Variants in TCERG1L observed in about 807,000 individuals in gnomAD.
The protein encoded by TCERG1L is transcription elongation regulator 1-like protein.
A neutral mutation model predicts 56.3 loss-of-function variants in TCERG1L; 37 were observed. The observed-to-expected ratio is 0.66, with a 90% CI of 0.51 to 0.87. The LOEUF (loss-of-function observed/expected upper bound fraction) is 0.87. Among genes scored for constraint, TCERG1L ranks in the 40% least tolerant of loss-of-function variants. The pLI is 0.00. For synonymous variants in TCERG1L, 324 were observed against 326.3 expected, an observed-to-expected ratio of 0.99 and a Z score of 0.08; for missense variants, 799 against 774.2, an observed-to-expected ratio of 1.03 and a Z score of -0.38.
chr10:131,139,636 A>G (rs1327469544), intron 7 of TCERG1L, among the ~76,000 whole-genome samples: 1 of 152,024 alleles, frequency 6.6e-6, no homozygotes, highest in Non-Finnish European at 1.5e-5. Flanking sequence ...TATGTTTTAA[A>G]TGTATTGTTT....
At chr10:131,195,540 C>G (rs1436900719) in intron 4 of TCERG1L, among the ~76,000 whole-genome samples, 6 of 152,228 alleles carry the variant, frequency 3.9e-5, no homozygotes, top group Non-Finnish European at 8.8e-5. Context: ...ATCCCCCTCC[C>G]CTGTACCCCG....
At chr10:131,104,004 G>C (rs778359595) in intron 10 of TCERG1L, among the ~76,000 whole-genome samples, 1 of 152,054 alleles carries the variant, frequency 6.6e-6, no homozygotes, top group Non-Finnish European at 1.5e-5. Flanking sequence ...TTGGAATGAG[G>C]GTCAATGTTC....
rs79730742 is a variant in TCERG1L, at chr10:131,225,867, T to G, written c.856+34392A>C. Among the ~76,000 whole-genome samples, 335 of 152,344 alleles carry G rather than the reference T, an allele frequency of 2.2e-3. 7 individuals carry two copies. The East Asian group carries it at 0.037, about 17-fold the overall frequency. On this transcript the variant is annotated intron_variant, in intron 4 of 11. Coordinates refer to ENST00000368642, the MANE Select transcript of TCERG1L (RefSeq NM_174937.4). ...AGAGACTTCTGTTCAGTCATCTTAATGATATGAAACCACTTGAAAAATACA... is the reference window on the plus strand; with the variant it reads ...AGAGACTTCTGTTCAGTCATCTTAAGGATATGAAACCACTTGAAAAATACA...
Position 131,281,223 on chromosome 10 carries a change from G to A in TCERG1L, c.671-20779C>T, listed in dbSNP as rs1036041842. Among the ~76,000 whole-genome samples the A allele has an allele frequency of 7.9e-5, 12 of 152,092 alleles. No individual in the cohort carries two copies. The South Asian group carries it at 1.2e-3, about 16-fold the overall frequency. ...AAATCACATTCAATCTTCCTTTCAC[G>A]AAACCAGCAGACATTGCCTGCATGT... On this transcript the variant is annotated intron_variant, in intron 3 of 11. Coordinates refer to ENST00000368642, the MANE Select transcript of TCERG1L (RefSeq NM_174937.4).
At position 131,254,302 on chromosome 10, in the gene TCERG1L, A is replaced by AATATATATATATATATATAT. The variant is rs57689050; in HGVS notation, c.856+5956_856+5957insATATATATATATATATATAT. On this transcript the variant is annotated intron_variant, in intron 4 of 11. Transcript: ENST00000368642. ...CCAGAGCAGGCAATCACTGGATTTA[A>AATATATATATATATATATAT]ATATATATATATATATATAGTAAGT... is the stretch of plus-strand genomic sequence containing the variant. 9.3e-3 allele frequency among the ~76,000 whole-genome samples: 1,321 copies of AATATATATATATATATATAT among 142,376 alleles called. 18 individuals carry two copies. Among genetic ancestry groups the AATATATATATATATATATAT allele is most frequent in the Non-Finnish European group, 0.012 (766 of 66,278 alleles). The allele number at this position is 142,376 out of a possible 152,430, so 93.4% of individuals were successfully genotyped here. A position where few individuals can be genotyped will look rare whatever the true frequency, so the allele number is the denominator to read the frequency against.
intron 8 of TCERG1L, among the ~76,000 whole-genome samples, 175 bp downstream of exon 8, chr10:131,134,204 T>G (rs1845650194): frequency 6.6e-6 from 1 of 152,190 alleles, no homozygotes; most frequent in African/African-American, 2.4e-5. Flanking sequence ...AGATACCTGC[T>G]TCGGCAGGTG....
At chr10:131,156,421 A>G (rs1845923788) in intron 6 of TCERG1L, 1 of 152,184 alleles carries the variant, frequency 6.6e-6, no homozygotes, top group African/African-American at 2.4e-5. Flanking sequence ...ACAAGTCATT[A>G]GCATAAAATC....
intron 3 of TCERG1L, among the ~76,000 whole-genome samples, chr10:131,268,937 T>C (rs1846310757): frequency 6.6e-6 from 1 of 152,242 alleles, no homozygotes; most frequent in African/African-American, 2.4e-5. Context: ...TTTCACTTTA[T>C]CTTTTTATTG....
intron 4 of TCERG1L, among the ~76,000 whole-genome samples, chr10:131,216,486 G>A (rs1425351155): frequency 6.6e-6 from 1 of 152,118 alleles, no homozygotes; most frequent in Non-Finnish European, 1.5e-5. Flanking sequence ...GACCTGCTTT[G>A]GAAACTCTAT....
At chr10:131,122,660 C>T (rs960449138) in intron 8 of TCERG1L, among the ~76,000 whole-genome samples, 7 of 152,174 alleles carry the variant, frequency 4.6e-5, no homozygotes, top group South Asian at 2.1e-4. Flanking sequence ...AAACTGTAAT[C>T]GTAAGCATAT....
At chr10:131,142,373 T>C (rs923332268) in intron 7 of TCERG1L, among the ~76,000 whole-genome samples, 7 of 152,246 alleles carry the variant, frequency 4.6e-5, no homozygotes, top group Non-Finnish European at 7.3e-5. Context: ...ATAGATCCAG[T>C]GTGCGCTGTC....
At chr10:131,306,659 A>T (rs1035803253) in intron 3 of TCERG1L, among the ~76,000 whole-genome samples, 3 of 152,174 alleles carry the variant, frequency 2.0e-5, no homozygotes, top group African/African-American at 7.2e-5. Context: ...ACCCACAAAA[A>T]ATTATAATAA....
intron 2 of TCERG1L, among the ~76,000 whole-genome samples, 198 bp downstream of exon 2, chr10:131,308,955 T>C (rs1310639374): frequency 6.6e-6 from 1 of 152,266 alleles, no homozygotes; most frequent in African/African-American, 2.4e-5. Flanking sequence ...AATCCAAATA[T>C]CCTAAACTAA....
chr10:131,282,389 G>C (rs1846469694), intron 3 of TCERG1L, among the ~76,000 whole-genome samples: 1 of 135,370 alleles, frequency 7.4e-6, no homozygotes, highest in Non-Finnish European at 1.6e-5. Flanking sequence ...TGATGCAATT[G>C]TTTTACAAAA....
In TCERG1L at chr10:131,131,428, C is replaced by T. The variant is rs565231671; in HGVS notation, c.1259+2951G>A. Among the ~76,000 whole-genome samples the T allele has an allele frequency of 7.2e-5, 11 of 152,270 alleles. No individual in the cohort carries two copies. The South Asian group carries it at 1.2e-3, about 17-fold the overall frequency. The stretch of plus-strand genomic sequence containing the variant: ...CTCCAGGCCCTGAGCAGAAAGGGGC[C>T]GAGCGGTCATGAATCTATTTTCCAG... On this transcript the variant is annotated intron_variant, in intron 8 of 11. Coordinates refer to ENST00000368642, the MANE Select transcript of TCERG1L (RefSeq NM_174937.4).
At chr10:131,185,893 C>T (rs1462116412) in intron 4 of TCERG1L, among the ~76,000 whole-genome samples, 1 of 152,196 alleles carries the variant, frequency 6.6e-6, no homozygotes, top group Non-Finnish European at 1.5e-5. Flanking sequence ...ATATTCAGAT[C>T]AATACTTTTA....
chr10:131,175,426 C>T (rs1253092938), intron 4 of TCERG1L, among the ~76,000 whole-genome samples: 2 of 152,008 alleles, frequency 1.3e-5, no homozygotes, highest in African/African-American at 2.4e-5. Flanking sequence ...GAGAGCTATT[C>T]CCAAGTCACC....
intron 4 of TCERG1L, among the ~76,000 whole-genome samples, chr10:131,223,905 ACC>A (rs1845763411): frequency 6.7e-6 from 1 of 150,074 alleles, no homozygotes; most frequent in African/African-American, 2.5e-5. Flanking sequence ...TCCCAGCTTG[ACC>A]TGCTGAGCCC....
chr10:131,125,571 T>G (rs1360570593), intron 8 of TCERG1L, among the ~76,000 whole-genome samples: 1 of 152,198 alleles, frequency 6.6e-6, no homozygotes, highest in Non-Finnish European at 1.5e-5. Context: ...ATTCTCTAGT[T>G]TTTTAGCCTT....
Sources: gnomAD v4.1 joint callset for allele counts (sites outside exome capture counted in the v4.1 genomes callset) on GRCh38, gnomAD v4.1.1 for gene constraint, MANE v1.5 for transcripts, NCBI Gene and HGNC (gene_info 2026-07-23, HGNC 2026-07-21) for gene names.